PCDH11X: variants seen among roughly 807,000 people sequenced by gnomAD.
PCDH11X encodes protocadherin-11 X-linked.
A neutral mutation model predicts 53.3 loss-of-function variants in PCDH11X; 18 were observed. That is an observed-to-expected ratio of 0.34 (90% confidence interval 0.23 to 0.50). PCDH11X has a LOEUF of 0.50. PCDH11X is among the 20% of genes least tolerant of loss of function. The probability of loss-of-function intolerance (pLI) is 0.98; values close to 1 mark genes in which losing one functional copy is unlikely to be tolerated. For synonymous variants in PCDH11X, 279 were observed against 393.3 expected, an observed-to-expected ratio of 0.71 and a Z score of 3.44; for missense variants, 570 against 1,032.4, an observed-to-expected ratio of 0.55 and a Z score of 6.14.
chrX:91,876,124 A>G (rs1401715910), intron 5 of PCDH11X, among the ~76,000 whole-genome samples: 40 of 112,006 alleles, frequency 3.6e-4, no homozygotes, highest in African/African-American at 1.3e-3. Flanking sequence ...TCGAAAACCA[A>G]ACATTGTGTG....
intron 8 of PCDH11X, among the ~76,000 whole-genome samples, chrX:92,363,644 A>G (rs1369429628): frequency 8.3e-5 from 9 of 108,332 alleles, no homozygotes; most frequent in Non-Finnish European, 1.7e-4. Context: ...GATGACTTTC[A>G]CTCTTTTTTC....
intron 6 of PCDH11X, among the ~76,000 whole-genome samples, chrX:92,127,560 G>T (rs1032388338): frequency 1.3e-5 from 1 of 79,546 alleles, no homozygotes; most frequent in Non-Finnish European, 2.3e-5. Flanking sequence ...TCGCCCTGCC[G>T]CCCTGGCTGG....
chrX:92,281,825 C>G (rs1237220743), intron 8 of PCDH11X, among the ~76,000 whole-genome samples: 2 of 111,655 alleles, frequency 1.8e-5, no homozygotes, highest in African/African-American at 6.5e-5. Context: ...TCTGCTGTCT[C>G]TAAAACACGT....
intron 5 of PCDH11X, among the ~76,000 whole-genome samples, chrX:91,837,823 C>A (rs1353963548): frequency 1.8e-5 from 2 of 111,316 alleles, no homozygotes; most frequent in African/African-American, 6.5e-5. Flanking sequence ...GCAGTAGCCA[C>A]CAGTCACACG....
chrX:92,156,563 A>C (rs1280036148), intron 6 of PCDH11X, among the ~76,000 whole-genome samples: 1 of 111,803 alleles, frequency 8.9e-6, no homozygotes, highest in Non-Finnish European at 1.9e-5. Flanking sequence ...TATGCATTTC[A>C]TCCTTTCTTC....
At chrX:92,408,871 T>C (rs1316997370) in intron 9 of PCDH11X, among the ~76,000 whole-genome samples, 1 of 107,813 alleles carries the variant, frequency 9.3e-6, no homozygotes, top group African/African-American at 3.5e-5. Context: ...CGTGAGCCAC[T>C]GCGCCCAGCC....
At chrX:91,985,266 G>A (rs1347487015) in intron 6 of PCDH11X, among the ~76,000 whole-genome samples, 1 of 111,986 alleles carries the variant, frequency 8.9e-6, no homozygotes, top group Non-Finnish European at 1.9e-5. Context: ...CAGCACTTTG[G>A]GAGACCCAGG....
At chrX:91,970,788 C>T (rs1031183774) in intron 6 of PCDH11X, among the ~76,000 whole-genome samples, 8 of 111,634 alleles carry the variant, frequency 7.2e-5, no homozygotes, top group East Asian at 2.8e-4. Context: ...TCAGGTTCCG[C>T]ATCTAAAAAT....
chrX:91,903,656 C>CGT (rs61017416), intron 6 of PCDH11X, among the ~76,000 whole-genome samples: 42,026 of 93,502 alleles, frequency 0.45, 7,557 homozygotes, highest in African/African-American at 0.5. Flanking sequence ...CCTCTATGTG[C>CGT]GTGTGTGTGT....
chrX:91,867,949 T>G (rs1939082285), intron 5 of PCDH11X, among the ~76,000 whole-genome samples: 1 of 111,845 alleles, frequency 8.9e-6, no homozygotes, highest in South Asian at 3.7e-4. Flanking sequence ...GCCTCTCCCA[T>G]GCCATCCTTC....
chrX:92,248,901 AC>A (rs1410688154), intron 7 of PCDH11X, among the ~76,000 whole-genome samples: 2 of 109,859 alleles, frequency 1.8e-5, no homozygotes, highest in Admixed American at 2.0e-4. Context: ...ACAGGGTTTC[AC>A]CACGTTGGCC....
intron 8 of PCDH11X, among the ~76,000 whole-genome samples, chrX:92,301,544 G>A (rs963928212): frequency 5.4e-5 from 6 of 110,774 alleles, no homozygotes; most frequent in South Asian, 3.9e-4. Context: ...GGGGATCATG[G>A]GGTCTCCTGC....
At chrX:92,410,056 G>C (rs2578921) in intron 9 of PCDH11X, among the ~76,000 whole-genome samples, 46 of 111,226 alleles carry the variant, frequency 4.1e-4, no homozygotes, top group African/African-American at 1.5e-3. Context: ...CTTTTACAGA[G>C]TTTAGAAGAA....
At chrX:92,569,932 C>T (rs1921987233) in intron 10 of PCDH11X, 1 of 99,943 alleles carries the variant, frequency 1.0e-5, no homozygotes, top group African/African-American at 3.8e-5. Flanking sequence ...AGGAGAATCG[C>T]TTGAACCTGG....
At chrX:92,460,995 A>G in intron 9 of PCDH11X, 1 of 752,695 alleles carries the variant, frequency 1.3e-6, no homozygotes, top group Non-Finnish European at 2.0e-6. Flanking sequence ...GGAGGCCAAT[A>G]AAAAGTACAG....
In PCDH11X at chrX:92,285,275, C is replaced by T. The variant is rs796634143; in HGVS notation, c.3144+22132C>T. 2.7e-4 allele frequency among the ~76,000 whole-genome samples: 19 copies of T among 70,485 alleles called. No individual in the cohort carries two copies. In the South Asian group the frequency reaches 0.014, roughly 52 times the overall value. The allele number at this position is 70,485 out of a possible 115,157, so 61.2% of individuals were successfully genotyped here. A position where few individuals can be genotyped will look rare whatever the true frequency, so the allele number is the denominator to read the frequency against. On this transcript the variant is annotated intron_variant, in intron 8 of 10. Coordinates refer to ENST00000682573, the MANE Select transcript of PCDH11X (RefSeq NM_032968.5). ...TTTTTTTTTTTTTTTTTTTTTGAGA[C>T]GGAGTTTCACTCTTGTTGCCCAGGC...
chrX:92,344,269 A>C (rs1193452097), intron 8 of PCDH11X, among the ~76,000 whole-genome samples: 1 of 109,830 alleles, frequency 9.1e-6, no homozygotes, highest in Admixed American at 9.8e-5. Context: ...TCATGCCTGT[A>C]GAAGCAAATT....
chrX:91,996,224 G>A (rs1375104058), intron 6 of PCDH11X, among the ~76,000 whole-genome samples: 1 of 97,704 alleles, frequency 1.0e-5, no homozygotes, highest in Non-Finnish European at 2.0e-5. Flanking sequence ...TCGGCTCACT[G>A]CAATCTCCGC....
chrX:92,506,222 T>TC lies in PCDH11X; in HGVS notation c.3367+37900_3367+37901insC, dbSNP rs71822393. Among the ~76,000 whole-genome samples the TC allele has an allele frequency of 6.3e-3, 425 of 67,053 alleles. 6 individuals are homozygous for TC. Among genetic ancestry groups the TC allele is most frequent in the African/African-American group, 0.018 (392 of 21,206 alleles). The allele number at this position is 67,053 out of a possible 115,157, so 58.2% of individuals were successfully genotyped here. On this transcript the variant is annotated intron_variant, in intron 10 of 10. Coordinates refer to ENST00000682573, the MANE Select transcript of PCDH11X (RefSeq NM_032968.5). ...ATACATTTTCTTTTCTTTTCTTTTT[T>TC]TTTTTTTTTTTTTTTTGCCTGATTG...
Sources: gnomAD v4.1 joint callset for allele counts (sites outside exome capture counted in the v4.1 genomes callset) on GRCh38, gnomAD v4.1.1 for gene constraint, MANE v1.5 for transcripts, NCBI Gene and HGNC (gene_info 2026-07-23, HGNC 2026-07-21) for gene names.